The following BAZ1A variants were observed in gnomAD, a reference collection of about 807,000 sequenced individuals.
BAZ1A encodes the protein bromodomain adjacent to zinc finger domain protein 1A.
Under a neutral mutation model 185.2 loss-of-function variants are expected in BAZ1A, and 50 were observed. The observed-to-expected ratio is 0.27, with a 90% confidence interval of 0.22 to 0.34. The LOEUF is 0.34. BAZ1A is among the 10% of genes least tolerant of loss of function. BAZ1A has a pLI of 1.00. For synonymous variants in BAZ1A, 571 were observed against 615.6 expected, an observed-to-expected ratio of 0.93 and a Z score of 1.07; for missense variants, 1,356 against 1,839.9, an observed-to-expected ratio of 0.74 and a Z score of 4.81.
chr14:34,832,215 C>CACACATATATATATATATATATAT, intron 3 of BAZ1A, among the ~76,000 whole-genome samples: 138 of 89,600 alleles, frequency 1.5e-3, no homozygotes, highest in African/African-American at 4.4e-3. Flanking sequence ...CACACACACA[C>CACACATATATATATATATATATAT]ATATATATAT....
intron 9 of BAZ1A, among the ~76,000 whole-genome samples, chr14:34,797,915 A>G (rs1037952589): frequency 1.3e-5 from 2 of 152,228 alleles, no homozygotes; most frequent in Non-Finnish European, 2.9e-5. Flanking sequence ...TTCCTTTCCT[A>G]GCCAAGGGGA....
At chr14:34,760,805 T>C (rs769206269) in intron 24 of BAZ1A, among the ~76,000 whole-genome samples, 4 of 151,988 alleles carry the variant, frequency 2.6e-5, no homozygotes, top group African/African-American at 4.8e-5. Flanking sequence ...TGAGCTCAGA[T>C]TGCGCCACTG....
chr14:34,829,247 C>G (rs2042204473), intron 3 of BAZ1A, among the ~76,000 whole-genome samples: 2 of 117,302 alleles, frequency 1.7e-5, no homozygotes, highest in South Asian at 5.8e-4. Flanking sequence ...GCCTGGGCAA[C>G]AGAGTGAGAC....
At chr14:34,824,675 A>G (rs2042140498) in intron 4 of BAZ1A, among the ~76,000 whole-genome samples, 1 of 152,210 alleles carries the variant, frequency 6.6e-6, no homozygotes, top group Non-Finnish European at 1.5e-5. Flanking sequence ...TAGCTATAAT[A>G]GTTAATGTCA....
At chr14:34,769,482 G>A (rs544727444) in intron 21 of BAZ1A, among the ~76,000 whole-genome samples, 126 of 152,158 alleles carry the variant, frequency 8.3e-4, no homozygotes, top group African/African-American at 2.9e-3. Flanking sequence ...ACCAGCATAA[G>A]GAACAGTGTC....
chr14:34,854,832 C>A (rs1270062435), intron 3 of BAZ1A, among the ~76,000 whole-genome samples: 1 of 152,164 alleles, frequency 6.6e-6, no homozygotes, highest in Admixed American at 6.5e-5. Flanking sequence ...GTAATCCCAG[C>A]ACTTTGGGAG....
chr14:34,781,016 C>T (rs1049863940), intron 16 of BAZ1A, among the ~76,000 whole-genome samples: 5 of 151,984 alleles, frequency 3.3e-5, no homozygotes, highest in Middle Eastern at 3.4e-3. Flanking sequence ...GAGAGAAATT[C>T]AGAAATAGTA....
chr14:34,833,522 C>A (rs1358343263), intron 3 of BAZ1A, among the ~76,000 whole-genome samples: 1 of 151,966 alleles, frequency 6.6e-6, no homozygotes, highest in African/African-American at 2.4e-5. Flanking sequence ...AGCGAGACTC[C>A]ATCTCACAAA....
intron 3 of BAZ1A, among the ~76,000 whole-genome samples, chr14:34,830,971 G>A (rs1165780361): frequency 6.6e-6 from 1 of 152,032 alleles, no homozygotes; most frequent in Non-Finnish European, 1.5e-5. Context: ...TGGCCAGGCT[G>A]CAGCCTCTAC....
chr14:34,794,842 T>G lies in BAZ1A; in HGVS notation c.1270A>C (p.Ile424Leu). 4 of 1,614,082 alleles carry G rather than the reference T, an allele frequency of 2.5e-6. No individual in the cohort carries two copies. The highest frequency in any genetic ancestry group is 2.5e-6 in the Non-Finnish European group (3 of 1,179,982). ...TPVKTRLPPE[I>L]FGDALMVLEF... ...AAAACCATCAGAGCATCACCAAAGA[T>G]TTCAGGAGGTAGTCTAGTTTTCACT... Residue 424 changes from isoleucine (I) to leucine (L), a missense_variant, in exon 11 of 27, where the codon ATC (isoleucine) becomes CTC (leucine). Physicochemically the swap from Ile to Leu is conservative, Grantham distance 5 (BLOSUM62 2). This residue lies in a region of BAZ1A where 184 missense variants were observed against 355.1 expected (regional missense o/e 0.52). Coordinates refer to ENST00000360310, the MANE Select transcript of BAZ1A (RefSeq NM_013448.3).
chr14:34,824,408 C>CAAAAAAA, intron 4 of BAZ1A, among the ~76,000 whole-genome samples: 51 of 65,762 alleles, frequency 7.8e-4, no homozygotes, highest in East Asian at 1.8e-3. Context: ...AGCAGCAACT[C>CAAAAAAA]AAAAAAAAAA....
At chr14:34,843,893 C>G (rs2138766367) in intron 3 of BAZ1A, among the ~76,000 whole-genome samples, 1 of 152,252 alleles carries the variant, frequency 6.6e-6, no homozygotes, top group East Asian at 1.9e-4. Context: ...TCCAGCTCAT[C>G]ACCTTTGCAA....
chr14:34,775,790 A>C, intron 18 of BAZ1A, 129 bp downstream of exon 18: 2 of 697,506 alleles, frequency 2.9e-6, no homozygotes, highest in East Asian at 5.3e-5. Context: ...GCAAACTAAA[A>C]GGACAGCCTA....
Position 34,874,885 on chromosome 14 carries a change from G to A in BAZ1A, c.-58-223C>T. ...GCGCCCTACCTCCTCTCGTCCTGCC[G>A]CCGCCTCACAATGGGGCAGGACGCC... On this transcript the variant is annotated intron_variant, in intron 1 of 26. Transcript: ENST00000360310. This position sits in a 1 kb window ranked among gnomAD's most constrained non-coding sequence, Gnocchi z 4.7. The A allele has an allele frequency of 3.7e-6, 1 of 273,886 alleles. No homozygotes were observed. The highest frequency in any genetic ancestry group is 6.9e-6 in the Non-Finnish European group (1 of 145,842). 17.0% of individuals were successfully genotyped at this position (273,886 alleles called of 1,614,324 possible).
chr14:34,833,399 G>A (rs10130170), intron 3 of BAZ1A, among the ~76,000 whole-genome samples: 87,207 of 151,824 alleles, frequency 0.57, 25,322 homozygotes, highest in South Asian at 0.67. Context: ...GTGGTGGCGC[G>A]CGCCTATAAT....
chr14:34,774,426 T>C lies in BAZ1A; in HGVS notation c.2898A>G (p.Pro966=). The change falls in exon 19 of 27, where the codon CCA becomes CCG. Residue 966 remains proline (P), a synonymous_variant. Coordinates refer to ENST00000360310, the MANE Select transcript of BAZ1A (RefSeq NM_013448.3). The part of the protein sequence containing the change: ...SRGRSSNAYD[P]SQMCAEKQLE... ...GTTGCTTTTCTGCACACATCTGAGA[T>C]GGATCATATGCATTGGAAGATCTTC... The C allele has an allele frequency of 6.2e-7, 1 of 1,613,028 alleles. No individual in the cohort carries two copies. Among genetic ancestry groups the C allele is most frequent in the East Asian group, 2.2e-5 (1 of 44,784 alleles).
intron 21 of BAZ1A, among the ~76,000 whole-genome samples, chr14:34,767,326 G>A (rs1254684907): frequency 1.3e-5 from 2 of 152,090 alleles, no homozygotes; most frequent in African/African-American, 4.8e-5. Context: ...GAGGGGAATG[G>A]ATCACATGAG....
At chr14:34,761,579 A>G (rs759801919) in intron 24 of BAZ1A, among the ~76,000 whole-genome samples, 178 bp downstream of exon 24, 1 of 152,206 alleles carries the variant, frequency 6.6e-6, no homozygotes, top group Non-Finnish European at 1.5e-5. Context: ...TAGTAATATA[A>G]TTTATTCATT....
intron 14 of BAZ1A, among the ~76,000 whole-genome samples, chr14:34,784,507 AG>A (rs1880292174): frequency 2.0e-5 from 3 of 151,352 alleles, no homozygotes; most frequent in Admixed American, 1.3e-4. Context: ...TTGGTTTTCA[AG>A]TTTTTTTTTG....
Sources: allele counts gnomAD v4.1 joint callset (sites outside exome capture counted in the v4.1 genomes callset), GRCh38; gene constraint gnomAD v4.1.1; regional missense constraint gnomAD v4.1.1; non-coding constraint Gnocchi (gnomAD v3.1); transcripts MANE v1.5; gene names NCBI Gene and HGNC (gene_info 2026-07-23, HGNC 2026-07-21).